The following MARK4 variants were observed in gnomAD, a reference collection of about 807,000 sequenced individuals.
MARK4 encodes the protein microtubule affinity regulating kinase 4.
MARK4 carries 19 observed loss-of-function variants against 81.5 expected under a neutral mutation model. The ratio of observed to expected loss-of-function variants is 0.23; its 90% CI spans 0.16 to 0.34. The LOEUF is 0.34. Ranked by LOEUF, MARK4 falls within the 10% of genes least tolerant of loss-of-function variation. The probability of loss-of-function intolerance (pLI) is 1.00; values close to 1 mark genes in which losing one functional copy is unlikely to be tolerated. For synonymous variants in MARK4, 436 were observed against 439.0 expected (o/e 0.99, Z 0.08); for missense variants, 772 against 1,058.8 (o/e 0.73, Z 3.76).
chr19:45,301,959 A>G (rs540423168), intron 16 of MARK4, among the ~76,000 whole-genome samples: 1 of 152,112 alleles, frequency 6.6e-6, no homozygotes, highest in Non-Finnish European at 1.5e-5. Flanking sequence ...ACTGTGATCT[A>G]TGCGGTCATT....
chr19:45,277,885 G>C, intron 8 of MARK4, 38 bp from the exon 9 acceptor site: 1 of 1,590,240 alleles, frequency 6.3e-7, no homozygotes, highest in Non-Finnish European at 8.6e-7. Flanking sequence ...GGTGGGGGGC[G>C]GGGCAGACCC....
In MARK4 at chr19:45,303,964, G is replaced by A. The variant is rs947515028; in HGVS notation, c.*1254G>A. 1 of 152,300 alleles carries A rather than the reference G, an allele frequency of 6.6e-6. No homozygotes were observed. The highest frequency in any genetic ancestry group is 1.5e-5 in the Non-Finnish European group (1 of 68,090). The allele number at this position is 152,300 out of a possible 1,614,324, so 9.4% of individuals were successfully genotyped here. On this transcript the variant is annotated 3_prime_UTR_variant, in exon 17 of 17. Coordinates refer to ENST00000262891, the MANE Select transcript of MARK4 (RefSeq NM_001199867.2). ...CTTCAGAGAACTGGGTAATTTCAGT[G>A]TGGCTGCTGTGTTGGGCATGGATGG...
In MARK4 at chr19:45,287,447, G is replaced by A; in HGVS notation, c.1277G>A (p.Cys426Tyr). The A allele has an allele frequency of 7.0e-7, 1 of 1,427,702 alleles. No individual in the cohort carries two copies. The allele number at this position is 1,427,702 out of a possible 1,614,324, so 88.4% of individuals were successfully genotyped here. The part of the protein sequence containing the change: ...YHRQRRHSDF[C>Y]GPSPAPLHPK... ...CTCTAAACGGTACCCCCTCCCCCAG[G>A]TGGCCCATCCCCTGCACCCCTGCAC... Residue 426 changes from cysteine (C) to tyrosine (Y), a missense_variant and splice_region_variant, in exon 13 of 17, where the codon TGT (cysteine) becomes TAT (tyrosine). Coordinates refer to ENST00000262891, the MANE Select transcript of MARK4 (RefSeq NM_001199867.2).
chr19:45,277,854 TG>T, intron 8 of MARK4, 68 bp from the exon 9 acceptor site: 2 of 1,435,550 alleles, frequency 1.4e-6, no homozygotes, highest in African/African-American at 2.8e-5. Flanking sequence ...TGTGTGTGTG[TG>T]TGTGTGTGTG....
In MARK4 at chr19:45,259,129, C is replaced by G. The variant is rs745902949; in HGVS notation, c.192C>G (p.Thr64=). 5 of 1,614,172 alleles carry G rather than the reference C, an allele frequency of 3.1e-6. No individual in the cohort carries two copies. Among genetic ancestry groups the G allele is most frequent in the Non-Finnish European group, 4.2e-6 (5 of 1,180,038 alleles). The change falls in exon 2 of 17, where the codon ACC becomes ACG. Residue 64 remains threonine, a synonymous_variant. Transcript: ENST00000262891. ...PHVGNYRLLR[T]IGKGNFAKVK... Reference sequence around the variant, plus strand: ...TGGGCAACTACCGCCTGCTGAGGACCATTGGGAAGGGCAACTTTGCCAAAG... The same window carrying G: ...TGGGCAACTACCGCCTGCTGAGGACGATTGGGAAGGGCAACTTTGCCAAAG...
chr19:45,291,438 G>A (rs1028216301), intron 13 of MARK4, among the ~76,000 whole-genome samples: 1 of 152,158 alleles, frequency 6.6e-6, no homozygotes, highest in Non-Finnish European at 1.5e-5. Context: ...TTGAGGTCAG[G>A]AGTTCAAGAC....
intron 12 of MARK4, among the ~76,000 whole-genome samples, chr19:45,282,028 G>A (rs10401954): frequency 0.022 from 3,352 of 151,794 alleles, 122 homozygotes; most frequent in African/African-American, 0.077. Flanking sequence ...GTTTGAGACC[G>A]GCCTGGCCAA....
chr19:45,261,728 G>A (rs555943828), intron 2 of MARK4, among the ~76,000 whole-genome samples: 7 of 152,270 alleles, frequency 4.6e-5, no homozygotes, highest in South Asian at 2.1e-4. Flanking sequence ...GATGTTGGGC[G>A]TTCAAGACCA....
At chr19:45,265,955 A>G (rs1294949431) in intron 6 of MARK4, among the ~76,000 whole-genome samples, 1 of 151,982 alleles carries the variant, frequency 6.6e-6, no homozygotes, top group Non-Finnish European at 1.5e-5. Context: ...GGATATCCCC[A>G]TGGGAGTTTC....
At chr19:45,292,273 TAAAAAAG>T (rs1177735886) in intron 13 of MARK4, among the ~76,000 whole-genome samples, 2 of 149,780 alleles carry the variant, frequency 1.3e-5, no homozygotes, top group Non-Finnish European at 3.0e-5. Flanking sequence ...TCCTATCTCT[TAAAAAAG>T]AGAAAAAGGG....
intron 15 of MARK4, 105 bp downstream of exon 15, chr19:45,298,059 C>CTCCTCCTCCTCCTCCTCGTT: frequency 2.8e-6 from 3 of 1,071,412 alleles, no homozygotes; most frequent in Admixed American, 5.2e-5. Context: ...TTTCCTCTTC[C>CTCCTCCTCCTCCTCCTCGTT]TCCTCCTCCT....
At chr19:45,275,450 A>G (rs939311036) in intron 8 of MARK4, among the ~76,000 whole-genome samples, 1 of 151,438 alleles carries the variant, frequency 6.6e-6, no homozygotes, top group African/African-American at 2.4e-5. Context: ...ACGCCACTGC[A>G]CTCCAGCTTC....
chr19:45,280,751 C>T lies in MARK4; in HGVS notation c.1276+17C>T, dbSNP rs770105210. 23 of 1,613,060 alleles carry T rather than the reference C, an allele frequency of 1.4e-5. No homozygotes were observed. Among genetic ancestry groups the T allele is most frequent in the East Asian group, 4.5e-5 (2 of 44,874 alleles). ...GCGATTTCTGTGAGTATCAACCCCA[C>T]GCCCTCACGCACCCTCCTTCTCCCC... On this transcript the variant is annotated intron_variant, in intron 12 of 16. Coordinates refer to ENST00000262891, the MANE Select transcript of MARK4 (RefSeq NM_001199867.2).
intron 7 of MARK4, among the ~76,000 whole-genome samples, chr19:45,267,525 G>A (rs1460041452): frequency 2.0e-5 from 3 of 152,172 alleles, no homozygotes; most frequent in Non-Finnish European, 4.4e-5. Flanking sequence ...CTCAGTCCTC[G>A]CGCTCCAAGA....
chr19:45,302,644 T>G lies in MARK4; in HGVS notation c.2193T>G (p.Arg731=). 1.3e-6 allele frequency: 2 copies of G among 1,540,824 alleles called. No individual in the cohort carries two copies. Among genetic ancestry groups the G allele is most frequent in the Non-Finnish European group, 1.7e-6 (2 of 1,149,388 alleles). The change falls in exon 17 of 17, where the codon CGT becomes CGG. Residue 731 remains arginine, a synonymous_variant. Coordinates refer to ENST00000262891, the MANE Select transcript of MARK4 (RefSeq NM_001199867.2). The surrounding 1 kb of genome is among the most constrained non-coding windows in gnomAD (Gnocchi z 4.9). ...GCTTGCGGGGAGTTCTCTTCCGCCGTGTGGCGGGCACCGCCCTGGCCTTCC... is the reference window on the plus strand; with the variant it reads ...GCTTGCGGGGAGTTCTCTTCCGCCGGGTGGCGGGCACCGCCCTGGCCTTCC... ...RPGLRGVLFR[R]VAGTALAFRT...
chr19:45,260,715 A>G (rs1301518440), intron 2 of MARK4, among the ~76,000 whole-genome samples: 1 of 127,198 alleles, frequency 7.9e-6, no homozygotes, highest in Non-Finnish European at 1.8e-5. Flanking sequence ...TAAATAAATA[A>G]ATAAATAGTA....
chr19:45,252,141 C>T (rs1970252032), intron 1 of MARK4, among the ~76,000 whole-genome samples: 2 of 151,970 alleles, frequency 1.3e-5, no homozygotes, highest in Admixed American at 6.5e-5. Flanking sequence ...CTCTTATTCC[C>T]AGCCCTCTGC....
At chr19:45,251,835 G>C (rs904605439) in intron 1 of MARK4, among the ~76,000 whole-genome samples, 196 bp downstream of exon 1, 1 of 151,684 alleles carries the variant, frequency 6.6e-6, no homozygotes, top group Non-Finnish European at 1.5e-5. Flanking sequence ...ACCCCTGGGG[G>C]CGCCCCTCTC....
At chr19:45,266,429 C>T (rs1302065375) in intron 7 of MARK4, 148 bp downstream of exon 7, 1 of 740,776 alleles carries the variant, frequency 1.3e-6, no homozygotes, top group East Asian at 2.5e-5. Flanking sequence ...CCAGCACCCC[C>T]TTGACCCTTT....
Sources: gnomAD v4.1 joint callset for allele counts (sites outside exome capture counted in the v4.1 genomes callset) on GRCh38, gnomAD v4.1.1 for gene constraint, Gnocchi (gnomAD v3.1) non-coding constraint, MANE v1.5 for transcripts, NCBI Gene and HGNC (gene_info 2026-07-23, HGNC 2026-07-21) for gene names.